The following PSMD14 variants were observed in gnomAD, a reference collection of about 807,000 sequenced individuals.
PSMD14 encodes ubiquitin C-terminal hydrolase PSMD14.
PSMD14 carries 7 observed loss-of-function variants against 41.2 expected under a neutral mutation model. That is an observed-to-expected ratio of 0.17 (90% CI 0.10 to 0.32). The LOEUF (loss-of-function observed/expected upper bound fraction) is 0.32, where lower values mean the gene tolerates loss of function less well. Ranked by LOEUF, PSMD14 falls within the 10% of genes least tolerant of loss-of-function variation. The probability of loss-of-function intolerance (pLI) is 1.00; values close to 1 mark genes in which losing one functional copy is unlikely to be tolerated. For missense variants in PSMD14, 139 were observed against 375.6 expected (o/e 0.37, Z 5.21); for synonymous variants, 114 against 122.3 (o/e 0.93, Z 0.45).
At chr2:161,411,252 C>T in intron 11 of PSMD14, 50 bp from the exon 12 acceptor site, 1 of 1,255,786 alleles carries the variant, frequency 8.0e-7, no homozygotes, top group Non-Finnish European at 1.1e-6. Flanking sequence ...AGTAATTTAT[C>T]TACCAGTAAT....
At chr2:161,392,162 C>A (rs1683721017) in intron 9 of PSMD14, among the ~76,000 whole-genome samples, 1 of 152,124 alleles carries the variant, frequency 6.6e-6, no homozygotes, top group African/African-American at 2.4e-5. Flanking sequence ...TTTGATATTA[C>A]AATCTGAACC....
intron 3 of PSMD14, among the ~76,000 whole-genome samples, chr2:161,329,201 A>ATCC (rs1682751375): frequency 6.6e-6 from 1 of 152,172 alleles, no homozygotes; most frequent in Non-Finnish European, 1.5e-5. Context: ...CTGAAGATGA[A>ATCC]GCTACCACAA....
intron 3 of PSMD14, among the ~76,000 whole-genome samples, chr2:161,320,969 A>C (rs1456627235): frequency 1.3e-5 from 2 of 151,696 alleles, no homozygotes; most frequent in Admixed American, 6.6e-5. Flanking sequence ...CAAGTGATCC[A>C]CCTGCCTCGG....
intron 3 of PSMD14, among the ~76,000 whole-genome samples, chr2:161,366,920 C>T (rs1683367319): frequency 6.6e-6 from 1 of 152,072 alleles, no homozygotes; most frequent in South Asian, 2.1e-4. Flanking sequence ...CTGGTTTGTT[C>T]ACACCTGGGG....
chr2:161,367,991 A>AT (rs763954661), intron 5 of PSMD14, 88 bp downstream of exon 5: 11 of 1,382,128 alleles, frequency 8.0e-6, no homozygotes, highest in Non-Finnish European at 1.1e-5. Context: ...ATCATATTAC[A>AT]TTTTCTCTTT....
At chr2:161,367,979 T>G in intron 5 of PSMD14, 76 bp downstream of exon 5, 1 of 1,446,006 alleles carries the variant, frequency 6.9e-7, no homozygotes. Context: ...AAACTAACTC[T>G]CATCATATTA....
At chr2:161,341,617 A>C (rs1186881990) in intron 3 of PSMD14, among the ~76,000 whole-genome samples, 18 of 151,322 alleles carry the variant, frequency 1.2e-4, no homozygotes, top group Admixed American at 1.2e-3. Flanking sequence ...AGGTGGGTGG[A>C]TAACGAGGGC....
intron 3 of PSMD14, among the ~76,000 whole-genome samples, chr2:161,350,135 A>T (rs542723972): frequency 6.6e-6 from 1 of 152,368 alleles, no homozygotes; most frequent in South Asian, 2.1e-4. Context: ...TAAGCTAGGC[A>T]GAACAAATAA....
At chr2:161,342,598 A>AT (rs1200108763) in intron 3 of PSMD14, among the ~76,000 whole-genome samples, 1 of 151,222 alleles carries the variant, frequency 6.6e-6, no homozygotes, top group Non-Finnish European at 1.5e-5. Flanking sequence ...GTGTAGTTAG[A>AT]TTTTGAGATG....
intron 7 of PSMD14, chr2:161,381,732 C>T (rs552935338): frequency 5.3e-5 from 8 of 151,920 alleles, no homozygotes; most frequent in Admixed American, 2.6e-4. Context: ...AAACCAGATT[C>T]GTCATTAAAA....
intron 2 of PSMD14, 43 bp from the exon 3 acceptor site, chr2:161,318,779 T>C (rs1116165): frequency 1 from 1,539,175 of 1,539,218 alleles, 769,566 homozygotes; most frequent in Middle Eastern, 1. Flanking sequence ...TGAATAAACA[T>C]TTTTGTGCTT....
At chr2:161,371,382 A>G in intron 7 of PSMD14, 60 bp downstream of exon 7, 1 of 1,485,640 alleles carries the variant, frequency 6.7e-7, no homozygotes, top group Non-Finnish European at 9.1e-7. Context: ...AGATACATTA[A>G]ATAAAAATCA....
At chr2:161,382,765 G>GT (rs541103976) in intron 7 of PSMD14, 1 of 151,838 alleles carries the variant, frequency 6.6e-6, no homozygotes, top group South Asian at 2.1e-4. Flanking sequence ...TTAAGTTACT[G>GT]TTTGAGTTTA....
intron 6 of PSMD14, among the ~76,000 whole-genome samples, chr2:161,370,685 A>G (rs760243499): frequency 6.6e-6 from 1 of 152,120 alleles, no homozygotes; most frequent in Non-Finnish European, 1.5e-5. Context: ...AATGTTAGCA[A>G]AAGGCTCAGC....
intron 3 of PSMD14, among the ~76,000 whole-genome samples, chr2:161,340,330 T>G: frequency 6.6e-6 from 1 of 152,228 alleles, no homozygotes; most frequent in African/African-American, 2.4e-5. Flanking sequence ...AAGGGTCGGC[T>G]GACCACCCTG....
At chr2:161,362,453 GACGA>G (rs1683302493) in intron 3 of PSMD14, among the ~76,000 whole-genome samples, 2 of 152,040 alleles carry the variant, frequency 1.3e-5, no homozygotes, top group African/African-American at 4.8e-5. Context: ...TTCTTTATAT[GACGA>G]CTCTTCCATT....
chr2:161,411,192 G>T, intron 11 of PSMD14, 110 bp from the exon 12 acceptor site: 1 of 563,452 alleles, frequency 1.8e-6, no homozygotes, highest in Non-Finnish European at 3.0e-6. Flanking sequence ...AAATATTTAA[G>T]TAAGGTCTGG....
chr2:161,389,889 G>GTTGTTATTTTTTT, intron 8 of PSMD14, among the ~76,000 whole-genome samples: 10 of 20,050 alleles, frequency 5.0e-4, no homozygotes, highest in African/African-American at 7.6e-4. Context: ...CTTTTTTGTT[G>GTTGTTATTTTTTT]TTTTTTTTTT....
At chr2:161,374,666 C>T (rs981103785) in intron 7 of PSMD14, among the ~76,000 whole-genome samples, 1 of 151,888 alleles carries the variant, frequency 6.6e-6, no homozygotes. Context: ...CTTTAGTTCT[C>T]AAGTGGCACA....
Sources: gnomAD v4.1 joint callset for allele counts (sites outside exome capture counted in the v4.1 genomes callset) on GRCh38, gnomAD v4.1.1 for gene constraint, MANE v1.5 for transcripts, NCBI Gene and HGNC (gene_info 2026-07-23, HGNC 2026-07-21) for gene names.